The following MYO15A variants were observed in gnomAD, a reference collection of about 807,000 sequenced individuals.
MYO15A encodes the protein myosin XVA.
Under a neutral mutation model 394.6 loss-of-function variants are expected in MYO15A, and 308 were observed. The ratio of observed to expected loss-of-function variants is 0.78; its 90% CI spans 0.71 to 0.86. The LOEUF (loss-of-function observed/expected upper bound fraction) is 0.86. Among genes scored for constraint, MYO15A ranks in the 40% least tolerant of loss-of-function variants. MYO15A has a pLI of 0.00. For synonymous variants in MYO15A, 1,957 were observed against 2,003.8 expected (o/e 0.98, Z 0.62); for missense variants, 4,606 against 4,799.1 (o/e 0.96, Z 1.19).
intron 16 of MYO15A, 156 bp from the exon 17 acceptor site, chr17:18,137,959 C>G: frequency 1.8e-6 from 2 of 1,104,344 alleles, no homozygotes; most frequent in Non-Finnish European, 2.6e-6. Flanking sequence ...CCTGAGTTGG[C>G]TCATGCTGCC....
intron 13 of MYO15A, 74 bp downstream of exon 13, chr17:18,135,898 T>A (rs1050487909): frequency 7.2e-7 from 1 of 1,386,468 alleles, no homozygotes; most frequent in Non-Finnish European, 1.0e-6. Flanking sequence ...GTGCCGATCC[T>A]TTGTGGGCAG....
rs201073816 is a variant in MYO15A at position 18,151,183 on chromosome 17, C to T, written c.7547C>T (p.Ala2516Val). Reference sequence around the variant, plus strand: ...CCTGCCAAACCCGTGCTCCTGCGTGCCACTCCAAAGCCCTTGGCCCCAGCC... The same window carrying T: ...CCTGCCAAACCCGTGCTCCTGCGTGTCACTCCAAAGCCCTTGGCCCCAGCC... ...GPPAKPVLLR[A>V]TPKPLAPAPL... The change falls in exon 39 of 66, where the codon GCC becomes GTC. Residue 2516 changes from alanine (A) to valine (V), a missense_variant. Ala to Val is a moderately conservative substitution (Grantham distance 64). This residue lies in a region of MYO15A where 2,776 missense variants were observed against 3,109.3 expected (regional missense o/e 0.89). Coordinates refer to ENST00000647165, the MANE Select transcript of MYO15A (RefSeq NM_016239.4). 92 of 1,614,092 alleles carry T rather than the reference C, an allele frequency of 5.7e-5. No individual in the cohort carries two copies. In the East Asian group the frequency reaches 1.9e-3, roughly 34 times the overall value.
chr17:18,136,895 T>G (rs967181822), intron 15 of MYO15A, among the ~76,000 whole-genome samples: 14 of 152,256 alleles, frequency 9.2e-5, no homozygotes, highest in Admixed American at 7.8e-4. Context: ...CCAGGCCCTG[T>G]GCTGGGCAAT....
At chr17:18,166,832 G>A (rs2046862349) in intron 61 of MYO15A, among the ~76,000 whole-genome samples, 2 of 152,162 alleles carry the variant, frequency 1.3e-5, no homozygotes, top group South Asian at 4.1e-4. Flanking sequence ...TCCTTCGGAT[G>A]TCTTCCTCCT....
At chr17:18,139,191 G>T in intron 18 of MYO15A, 1 of 628,282 alleles carries the variant, frequency 1.6e-6, no homozygotes, top group Non-Finnish European at 2.9e-6. Context: ...ATAAAGAGTA[G>T]CTCATCAATA....
At chr17:18,160,977 C>T (rs2046765621) in intron 56 of MYO15A, 2 of 427,848 alleles carry the variant, frequency 4.7e-6, no homozygotes, top group Non-Finnish European at 8.8e-6. Flanking sequence ...CCTGGCATGA[C>T]CTCTACACAG....
chr17:18,176,545 T>TC (rs200352880), intron 65 of MYO15A: 1 of 142,830 alleles, frequency 7.0e-6, no homozygotes, highest in Non-Finnish European at 1.5e-5. Context: ...ACTTTTCTTT[T>TC]TTTTTTTTTT....
chr17:18,160,524 G>A (rs768156265), intron 56 of MYO15A, among the ~76,000 whole-genome samples: 4 of 152,204 alleles, frequency 2.6e-5, no homozygotes, highest in Admixed American at 6.5e-5. Context: ...AATATTTGCT[G>A]TAGAAATTCT....
intron 61 of MYO15A, among the ~76,000 whole-genome samples, chr17:18,167,308 A>T (rs1288403179): frequency 6.6e-6 from 1 of 152,152 alleles, no homozygotes; most frequent in African/African-American, 2.4e-5. Flanking sequence ...TGATAGATAC[A>T]TGTCCACACT....
In MYO15A at chr17:18,119,802, C is replaced by T. The variant is rs374329103; in HGVS notation, c.1002C>T (p.Gly334=). The change falls in exon 2 of 66, where the codon GGC becomes GGT. Residue 334 remains glycine, a synonymous_variant. Coordinates refer to ENST00000647165, the MANE Select transcript of MYO15A (RefSeq NM_016239.4). The part of the protein sequence containing the change: ...SPYSYHDGYE[G]EAHPYGYYLD... ...ACAGCTACCACGATGGGTACGAGGG[C>T]GAGGCGCACCCTTATGGCTACTACC... 1 of 1,613,146 alleles carries T rather than the reference C, an allele frequency of 6.2e-7. No individual in the cohort carries two copies. Among genetic ancestry groups the T allele is most frequent in the Non-Finnish European group, 8.5e-7 (1 of 1,179,986 alleles).
intron 7 of MYO15A, among the ~76,000 whole-genome samples, chr17:18,128,784 G>A (rs2046099470): frequency 6.6e-6 from 1 of 152,136 alleles, no homozygotes. Flanking sequence ...GCCTAAGAAG[G>A]GAGGAGTGAG....
intron 65 of MYO15A, 140 bp from the exon 66 acceptor site, chr17:18,178,629 G>A (rs971356125): frequency 4.9e-6 from 4 of 823,726 alleles, no homozygotes; most frequent in East Asian, 5.3e-5. Flanking sequence ...CTCAGGCCCT[G>A]GGGGAGGTGG....
At chr17:18,111,545 G>A (rs1290130898) in intron 1 of MYO15A, among the ~76,000 whole-genome samples, 1 of 152,166 alleles carries the variant, frequency 6.6e-6, no homozygotes, top group African/African-American at 2.4e-5. Context: ...CCTGACACCC[G>A]CTCTGTGCCT....
rs1397403764 is a variant in MYO15A, at chr17:18,148,564, C to T, written c.6760C>T (p.His2254Tyr). 1.9e-6 allele frequency: 3 copies of T among 1,551,872 alleles called. No homozygotes were observed. In the East Asian group the frequency reaches 7.3e-5, roughly 38 times the overall value. The change falls in exon 32 of 66, where the codon CAC becomes TAC. Residue 2254 changes from histidine (H) to tyrosine (Y), a missense_variant. His to Tyr is a moderately conservative substitution (Grantham distance 83). Coordinates refer to ENST00000647165, the MANE Select transcript of MYO15A (RefSeq NM_016239.4). The surrounding 1 kb of genome is among the most constrained non-coding windows in gnomAD (Gnocchi z 4.8). Reference sequence around the variant, plus strand: ...AGAGGTGGCTGGAGACATTCTGAGGCACAGGTTGGCTCCTAGGATGCCCTC... The same window carrying T: ...AGAGGTGGCTGGAGACATTCTGAGGTACAGGTTGGCTCCTAGGATGCCCTC... The part of the protein sequence containing the change: ...GEEVAGDILR[H>Y]RGLADGWRGW...
At position 18,141,103 on chromosome 17, in the gene MYO15A, G is replaced by A. The variant is rs1260018632; in HGVS notation, c.5491G>A (p.Gly1831Arg). The change falls in exon 22 of 66, where the codon GGA (glycine) becomes AGA (arginine). Residue 1831 changes from glycine (G) to arginine (R), a missense_variant. Coordinates refer to ENST00000647165, the MANE Select transcript of MYO15A (RefSeq NM_016239.4). Reference protein sequence around the residue: ...VLETVRIRKEGFPVRLPFQGF... With the variant: ...VLETVRIRKERFPVRLPFQGF... ...GGAGACCGTGAGGATCCGCAAGGAG[G>A]GATTTCCAGTGCGCCTGCCTTTCCA... is the stretch of plus-strand genomic sequence containing the variant. 3 of 1,614,004 alleles carry A rather than the reference G, an allele frequency of 1.9e-6. No individual in the cohort carries two copies.
intron 40 of MYO15A, 33 bp from the exon 41 acceptor site, chr17:18,151,813 T>C: frequency 6.5e-7 from 1 of 1,542,230 alleles, no homozygotes; most frequent in Non-Finnish European, 8.8e-7. Context: ...GGAGACTCAG[T>C]GTCAACCCAC....
chr17:18,130,831 T>C (rs757622316), intron 8 of MYO15A, 21 bp downstream of exon 8: 19 of 1,413,952 alleles, frequency 1.3e-5, no homozygotes, highest in South Asian at 1.2e-4. Context: ...TGTGTGTGTG[T>C]GTGTGTGTGT....
chr17:18,149,947 T>TAA, intron 35 of MYO15A: 1 of 157,694 alleles, frequency 6.3e-6, no homozygotes, highest in Non-Finnish European at 1.1e-5. Context: ...CAAGACCCTG[T>TAA]CTCAAAAAAA....
At chr17:18,158,856 T>G in intron 52 of MYO15A, 69 bp from the exon 53 acceptor site, 21 of 1,584,066 alleles carry the variant, frequency 1.3e-5, no homozygotes, top group Non-Finnish European at 1.8e-5. Flanking sequence ...GGGGGTTCTT[T>G]CCCATGTGGA....
Sources: allele counts gnomAD v4.1 joint callset (sites outside exome capture counted in the v4.1 genomes callset), GRCh38; gene constraint gnomAD v4.1.1; regional missense constraint gnomAD v4.1.1; non-coding constraint Gnocchi (gnomAD v3.1); transcripts MANE v1.5; gene names NCBI Gene and HGNC (gene_info 2026-07-23, HGNC 2026-07-21).